NELFE: variants seen among roughly 807,000 people sequenced by gnomAD.
NELFE encodes negative elongation factor complex member E, also known as negative elongation factor E.
NELFE carries 26 observed loss-of-function variants against 55.5 expected under a neutral mutation model. The observed-to-expected ratio is 0.47, with a 90% confidence interval of 0.34 to 0.65. The LOEUF (loss-of-function observed/expected upper bound fraction) is 0.65. NELFE is among the 30% of genes least tolerant of loss of function. The pLI, the probability that NELFE is intolerant of heterozygous loss-of-function variation, is 0.01. For synonymous variants in NELFE, 162 were observed against 178.0 expected, an observed-to-expected ratio of 0.91 and a Z score of 0.72; for missense variants, 403 against 506.9, an observed-to-expected ratio of 0.80 and a Z score of 1.97.
At chr6:31,958,682 A>G in intron 1 of NELFE, 1 of 703,198 alleles carries the variant, frequency 1.4e-6, no homozygotes. Context: ...TTTAGGTACC[A>G]TGTGGTTCAA....
At chr6:31,956,592 C>G in intron 4 of NELFE, 101 bp downstream of exon 4, 1 of 1,256,770 alleles carries the variant, frequency 8.0e-7, no homozygotes, top group Non-Finnish European at 1.1e-6. Flanking sequence ...CAGAATGGTA[C>G]AGCAATTTGC....
chr6:31,954,632 C>T lies in NELFE; in HGVS notation c.665G>A (p.Arg222Gln), dbSNP rs1395130544. 32 of 1,604,482 alleles carry T rather than the reference C, an allele frequency of 2.0e-5. No individual in the cohort carries two copies. Among genetic ancestry groups the T allele is most frequent in the Non-Finnish European group, 2.7e-5 (32 of 1,174,912 alleles). ...RDRERDRDRDRDRDRDRERDR... is the reference protein window; with the variant it reads ...RDRERDRDRDQDRDRDRERDR... ...CCGTTCCCGGTCTCGATCTCGATCC[C>T]GATCCCGATCCCTGTCCCGCTCTCT... The change falls in exon 7 of 11, where the codon CGG becomes CAG. Residue 222 changes from arginine to glutamine, a missense_variant. Physicochemically the swap from Arg to Gln is conservative, Grantham distance 43. Transcript: ENST00000375429. This position sits in a 1 kb window ranked among gnomAD's most constrained non-coding sequence, Gnocchi z 5.5.
At chr6:31,953,289 GTTTT>G (rs201910733) in intron 10 of NELFE, among the ~76,000 whole-genome samples, 1 of 129,542 alleles carries the variant, frequency 7.7e-6, no homozygotes. Flanking sequence ...GTCCTGGGTC[GTTTT>G]TTTTTCTCTG....
chr6:31,957,058 G>C (rs1015329311), intron 2 of NELFE, 48 bp from the exon 3 acceptor site: 1 of 1,539,800 alleles, frequency 6.5e-7, no homozygotes. Flanking sequence ...CCAGCCCCTA[G>C]CCGGTTCCTC....
Position 31,954,916 on chromosome 6 carries a change from C to G in NELFE, c.405-24G>C. On this transcript the variant is annotated intron_variant, in intron 6 of 10. Coordinates refer to ENST00000375429, the MANE Select transcript of NELFE (RefSeq NM_002904.6). The surrounding 1 kb of genome is among the most constrained non-coding windows in gnomAD (Gnocchi z 5.5). ...AGCTGGGGAGATGCAGACTGAAGATCAAAGGGGGGTTTTACCTTCTCCCCT... is the reference window on the plus strand; with the variant it reads ...AGCTGGGGAGATGCAGACTGAAGATGAAAGGGGGGTTTTACCTTCTCCCCT... 6.3e-7 allele frequency: 1 copy of G among 1,575,700 alleles called. No individual in the cohort carries two copies. Among genetic ancestry groups the G allele is most frequent in the East Asian group, 2.2e-5 (1 of 44,562 alleles).
Position 31,954,585 on chromosome 6 carries a change from G to C in NELFE, c.712C>G (p.Arg238Gly). 3 of 1,608,432 alleles carry C rather than the reference G, an allele frequency of 1.9e-6. No individual in the cohort carries two copies. The highest frequency in any genetic ancestry group is 2.5e-6 in the Non-Finnish European group (3 of 1,177,454). Residue 238 changes from arginine to glycine, a missense_variant, in exon 7 of 11, where the codon CGA (arginine) becomes GGA (glycine). Arg to Gly is a moderately radical substitution (Grantham distance 125). Around this residue, in one of 3 missense-constraint regions of NELFE, gnomAD observed 229 missense variants for 228.3 expected, o/e 1.00. Coordinates refer to ENST00000375429, the MANE Select transcript of NELFE (RefSeq NM_002904.6). This position sits in a 1 kb window ranked among gnomAD's most constrained non-coding sequence, Gnocchi z 5.5. ...AAAGGACCCTCTCGGTCTCGGTCTC[G>C]ATCCCGCTCCCGATCCCTGTCCCGT... ...RERDRDRERD[R>G]DRDREGPFRR...
chr6:31,954,418 C>T lies in NELFE; in HGVS notation c.767G>A (p.Arg256Gln), dbSNP rs775691868. 20 of 1,606,280 alleles carry T rather than the reference C, an allele frequency of 1.2e-5. No homozygotes were observed. In the East Asian group the frequency reaches 4.2e-4, roughly 34 times the overall value. ...FRRSDSFPERRAPRKGNTLYV... is the reference protein window; with the variant it reads ...FRRSDSFPERQAPRKGNTLYV... The stretch of plus-strand genomic sequence containing the variant: ...GAGAGTATTCCCTTTCCTAGGGGCT[C>T]GCCGTTCAGGGAATGAATCCGACCC... The change falls in exon 8 of 11, where the codon CGA becomes CAA. Residue 256 changes from arginine to glutamine, a missense_variant. Coordinates refer to ENST00000375429, the MANE Select transcript of NELFE (RefSeq NM_002904.6). The surrounding 1 kb of genome is among the most constrained non-coding windows in gnomAD (Gnocchi z 5.5).
At position 31,954,903 on chromosome 6, in the gene NELFE, G is replaced by A. The variant is rs371977196; in HGVS notation, c.405-11C>T. 5.3e-5 allele frequency: 83 copies of A among 1,569,292 alleles called. No homozygotes were observed. In the African/African-American group the frequency reaches 7.2e-4, roughly 14 times the overall value. On this transcript the variant is annotated splice_polypyrimidine_tract_variant and intron_variant, in intron 6 of 10. Transcript: ENST00000375429. This position sits in a 1 kb window ranked among gnomAD's most constrained non-coding sequence, Gnocchi z 5.5. ...CTAGAAGACACAAAGCTGGGGAGAT[G>A]CAGACTGAAGATCAAAGGGGGGTTT...
chr6:31,953,955 C>T, intron 9 of NELFE, 124 bp from the exon 10 acceptor site: 1 of 1,345,250 alleles, frequency 7.4e-7, no homozygotes, highest in Non-Finnish European at 1.1e-6. Flanking sequence ...GTGAGTTTTT[C>T]TGTGTGAATA....
intron 2 of NELFE, 52 bp downstream of exon 2, chr6:31,958,320 C>G (rs776319057): frequency 1.3e-6 from 2 of 1,538,368 alleles, no homozygotes; most frequent in Non-Finnish European, 1.8e-6. Flanking sequence ...CATATCTTCT[C>G]AGAGTGCAGA....
chr6:31,954,410 T>G lies in NELFE; in HGVS notation c.775A>C (p.Arg259=). Reference sequence around the variant, plus strand: ...TATACATAGAGAGTATTCCCTTTCCTAGGGGCTCGCCGTTCAGGGAATGAA... The same window carrying G: ...TATACATAGAGAGTATTCCCTTTCCGAGGGGCTCGCCGTTCAGGGAATGAA... ...SDSFPERRAP[R]KGNTLYVYGE... is the part of the protein sequence containing the mutation. Residue 259 remains arginine, a synonymous_variant, in exon 8 of 11, where the codon AGG becomes CGG. Transcript: ENST00000375429. The surrounding 1 kb of genome is among the most constrained non-coding windows in gnomAD (Gnocchi z 5.5). 2 of 1,609,246 alleles carry G rather than the reference T, an allele frequency of 1.2e-6. No individual in the cohort carries two copies. The highest frequency in any genetic ancestry group is 2.7e-5 in the African/African-American group (2 of 74,760).
At chr6:31,953,959 G>T in intron 9 of NELFE, 121 bp downstream of exon 9, 1 of 1,348,860 alleles carries the variant, frequency 7.4e-7, no homozygotes, top group Non-Finnish European at 1.1e-6. Flanking sequence ...GTTTTTCTGT[G>T]TGAATAGGGA....
rs1391627829 is a variant in NELFE at position 31,954,675 on chromosome 6, G to T, written c.622C>A (p.Arg208=). ...RDRDRERDRD[R]DRDRDRERDR... ...CGCTCTCTGTCTCTGTCTCGATCCC[G>T]GTCTCGATCCCGCTCCCGATCTCGG... The change falls in exon 7 of 11, where the codon CGG becomes AGG. Residue 208 remains arginine (R), a synonymous_variant. Coordinates refer to ENST00000375429, the MANE Select transcript of NELFE (RefSeq NM_002904.6). This position sits in a 1 kb window ranked among gnomAD's most constrained non-coding sequence, Gnocchi z 5.5. 8.9e-6 allele frequency: 14 copies of T among 1,573,170 alleles called. No individual in the cohort carries two copies. The highest frequency in any genetic ancestry group is 1.2e-5 in the Non-Finnish European group (14 of 1,155,758).
intron 2 of NELFE, 34 bp downstream of exon 2, chr6:31,958,337 GA>G (rs1169823718): frequency 9.4e-6 from 15 of 1,593,856 alleles, no homozygotes; most frequent in Non-Finnish European, 1.3e-5. Context: ...CAGAGTCTGT[GA>G]AAGGTTAGGC....
chr6:31,958,923 C>T lies in NELFE; in HGVS notation c.-40G>A, dbSNP rs984590754. The T allele has an allele frequency of 1.7e-6, 1 of 594,696 alleles. No homozygotes were observed. The highest frequency in any genetic ancestry group is 1.9e-5 in the African/African-American group (1 of 53,806). 36.8% of individuals were successfully genotyped at this position (594,696 alleles called of 1,614,324 possible). On this transcript the variant is annotated 5_prime_UTR_variant, in exon 1 of 11. Coordinates refer to ENST00000375429, the MANE Select transcript of NELFE (RefSeq NM_002904.6). ...GGGCGGCAACCGGGGGCCCCACGGT[C>T]TCCGGCCGCGCCCGCGCTGGCCGCT...
chr6:31,953,669 G>A, intron 10 of NELFE, 60 bp downstream of exon 10: 2 of 1,410,050 alleles, frequency 1.4e-6, no homozygotes, highest in Non-Finnish European at 2.0e-6. Context: ...GGATGTGTGG[G>A]GGAACCAAAA....
intron 1 of NELFE, 111 bp downstream of exon 1, chr6:31,958,781 G>A (rs1772258314): frequency 1.4e-6 from 1 of 689,964 alleles, no homozygotes. Context: ...GGGTTTGAAC[G>A]GCAGAGAAGG....
rs751725383 is a variant in NELFE, at chr6:31,952,318, G to A, written c.1126C>T (p.Leu376Phe). 1.9e-6 allele frequency: 3 copies of A among 1,613,944 alleles called. No individual in the cohort carries two copies. Among genetic ancestry groups the A allele is most frequent in the Non-Finnish European group, 2.5e-6 (3 of 1,179,872 alleles). The change falls in exon 11 of 11, where the codon CTT (leucine) becomes TTT (phenylalanine). Residue 376 changes from leucine (L) to phenylalanine (F), a missense_variant. Around this residue, in one of 3 missense-constraint regions of NELFE, gnomAD observed 77 missense variants for 123.3 expected, o/e 0.62. Coordinates refer to ENST00000375429, the MANE Select transcript of NELFE (RefSeq NM_002904.6). ...VYSDDVYKEN[L>F]VDGF Reference sequence around the variant, plus strand: ...TCTGTTCCCTAGAAGCCATCCACAAGGTTTTCCTTGTAGACGTCATCACTG... The same window carrying A: ...TCTGTTCCCTAGAAGCCATCCACAAAGTTTTCCTTGTAGACGTCATCACTG...
chr6:31,957,969 T>C (rs1445262365), intron 2 of NELFE, among the ~76,000 whole-genome samples: 1 of 152,132 alleles, frequency 6.6e-6, no homozygotes. Context: ...ACTATGCAAA[T>C]AGTGGGGAAG....
Sources: gnomAD v4.1 joint callset for allele counts (sites outside exome capture counted in the v4.1 genomes callset) on GRCh38, gnomAD v4.1.1 for gene constraint, gnomAD v4.1.1 regional missense constraint, Gnocchi (gnomAD v3.1) non-coding constraint, MANE v1.5 for transcripts, NCBI Gene and HGNC (gene_info 2026-07-23, HGNC 2026-07-21) for gene names.